CDH8: variants seen among roughly 807,000 people sequenced by gnomAD.
CDH8 encodes the protein cadherin-8.
CDH8 carries 17 observed loss-of-function variants against 68.1 expected under a neutral mutation model. The ratio of observed to expected loss-of-function variants is 0.25; its 90% CI spans 0.17 to 0.37. The LOEUF (loss-of-function observed/expected upper bound fraction) is 0.37. Ranked by LOEUF, CDH8 falls within the 10% of genes least tolerant of loss-of-function variation. CDH8 has a pLI of 1.00. For synonymous variants in CDH8, 372 were observed against 365.1 expected (o/e 1.02, Z -0.21); for missense variants, 763 against 999.3 (o/e 0.76, Z 3.19).
Position 61,652,306 on chromosome 16 carries a change from A to C in CDH8, c.*1302T>G. ...AAACGTAAACAGTGAAATTATGTACAAATCAGTTCCTGCTCTAAAACTGTG... is the reference window on the plus strand; with the variant it reads ...AAACGTAAACAGTGAAATTATGTACCAATCAGTTCCTGCTCTAAAACTGTG... On this transcript the variant is annotated 3_prime_UTR_variant, in exon 12 of 12. Transcript: ENST00000577390. 3 of 985,240 alleles carry C rather than the reference A, an allele frequency of 3.0e-6. No homozygotes were observed. Among genetic ancestry groups the C allele is most frequent in the Non-Finnish European group, 3.6e-6 (3 of 829,782 alleles). 61.0% of individuals were successfully genotyped at this position (985,240 alleles called of 1,614,324 possible). A position where few individuals can be genotyped will look rare whatever the true frequency, so the allele number is the denominator to read the frequency against.
intron 4 of CDH8, among the ~76,000 whole-genome samples, chr16:61,831,231 C>A (rs1306201208): frequency 6.6e-6 from 1 of 151,712 alleles, no homozygotes; most frequent in Non-Finnish European, 1.5e-5. Context: ...TGAGAACCCT[C>A]CATTCTCCAT....
At chr16:61,759,033 G>A (rs752189203) in intron 8 of CDH8, among the ~76,000 whole-genome samples, 1 of 152,028 alleles carries the variant, frequency 6.6e-6, no homozygotes, top group African/African-American at 2.4e-5. Flanking sequence ...CTAAGGATAG[G>A]GTATGTCTCA....
intron 8 of CDH8, among the ~76,000 whole-genome samples, chr16:61,783,590 C>T (rs1393201076): frequency 6.7e-5 from 10 of 150,212 alleles, no homozygotes; most frequent in Non-Finnish European, 1.3e-4. Flanking sequence ...CAGAGAACGC[C>T]ACAAAGATAC....
intron 10 of CDH8, among the ~76,000 whole-genome samples, chr16:61,697,143 C>T (rs1325953244): frequency 4.6e-5 from 7 of 152,178 alleles, no homozygotes; most frequent in African/African-American, 1.2e-4. Flanking sequence ...TGGGAAGCTA[C>T]GGCCTCATAG....
At position 61,868,024 on chromosome 16, in the gene CDH8, A is replaced by ATCTACATTG. The variant is rs1963287988; in HGVS notation, c.548-10795_548-10787dup. Among the ~76,000 whole-genome samples, 3 of 152,162 alleles carry ATCTACATTG rather than the reference A, an allele frequency of 2.0e-5. No homozygotes were observed. The East Asian group carries it at 5.8e-4, about 29-fold the overall frequency. ...CACTTTGTTCAAATTATAAGCATGA[A>ATCTACATTG]TCTACATTGTCCTTGTTATACAAGT... On this transcript the variant is annotated intron_variant, in intron 3 of 11. Coordinates refer to ENST00000577390, the MANE Select transcript of CDH8 (RefSeq NM_001796.5).
chr16:61,716,735 T>A (rs1964738261), intron 9 of CDH8, among the ~76,000 whole-genome samples: 1 of 151,730 alleles, frequency 6.6e-6, no homozygotes, highest in African/African-American at 2.4e-5. Flanking sequence ...AAACTGGTTA[T>A]GATTAAGATT....
intron 8 of CDH8, among the ~76,000 whole-genome samples, chr16:61,771,828 T>C (rs1426165651): frequency 6.6e-6 from 1 of 152,062 alleles, no homozygotes; most frequent in East Asian, 1.9e-4. Context: ...AAAGTTTTTC[T>C]TTCAAGCAGG....
chr16:61,789,272 G>C, intron 8 of CDH8, 74 bp downstream of exon 8: 1 of 1,375,064 alleles, frequency 7.3e-7, no homozygotes, highest in Non-Finnish European at 1.0e-6. Flanking sequence ...AACAGGGGCT[G>C]CTTATCACGT....
At chr16:61,924,618 A>G (rs960887993) in intron 2 of CDH8, among the ~76,000 whole-genome samples, 2 of 152,190 alleles carry the variant, frequency 1.3e-5, no homozygotes, top group Non-Finnish European at 2.9e-5. Flanking sequence ...GCAGTCATGA[A>G]TATACAGGAT....
At chr16:61,925,237 G>T (rs1313906907) in intron 2 of CDH8, among the ~76,000 whole-genome samples, 1 of 152,144 alleles carries the variant, frequency 6.6e-6, no homozygotes, top group Non-Finnish European at 1.5e-5. Context: ...AAGCCAATCA[G>T]ACATGGCCAC....
At chr16:61,665,241 C>T (rs1462638009) in intron 10 of CDH8, among the ~76,000 whole-genome samples, 1 of 151,782 alleles carries the variant, frequency 6.6e-6, no homozygotes, top group Non-Finnish European at 1.5e-5. Context: ...AGAGAAGATC[C>T]CTCAGAATGA....
intron 8 of CDH8, among the ~76,000 whole-genome samples, chr16:61,788,560 A>AT (rs1395360490): frequency 6.6e-6 from 1 of 151,982 alleles, no homozygotes; most frequent in African/African-American, 2.4e-5. Flanking sequence ...TCCCTTTTCC[A>AT]TTTTTTGTAT....
chr16:61,787,779 A>G (rs905920541), intron 8 of CDH8, among the ~76,000 whole-genome samples: 2 of 151,674 alleles, frequency 1.3e-5, no homozygotes, highest in Non-Finnish European at 2.9e-5. Flanking sequence ...TGATGACTTC[A>G]TGTCCTTTGT....
intron 10 of CDH8, among the ~76,000 whole-genome samples, chr16:61,670,265 C>T (rs1963764572): frequency 6.6e-6 from 1 of 151,906 alleles, no homozygotes; most frequent in Non-Finnish European, 1.5e-5. Flanking sequence ...AACAAACAGC[C>T]TGAGGATTTT....
In CDH8 at chr16:61,708,980, A is replaced by G. The variant is rs141765869; in HGVS notation, c.1654+4861T>C. 2.6e-4 allele frequency among the ~76,000 whole-genome samples: 39 copies of G among 152,316 alleles called. No individual in the cohort carries two copies. In the East Asian group the frequency reaches 6.6e-3, roughly 26 times the overall value. On this transcript the variant is annotated intron_variant, in intron 10 of 11. Coordinates refer to ENST00000577390, the MANE Select transcript of CDH8 (RefSeq NM_001796.5). ...AGTCCACTATGTGAGCAGAACAGACAATACAATCATATTGGAAATATATTA... is the reference window on the plus strand; with the variant it reads ...AGTCCACTATGTGAGCAGAACAGACGATACAATCATATTGGAAATATATTA...
intron 2 of CDH8, among the ~76,000 whole-genome samples, chr16:61,933,497 T>C (rs530037243): frequency 1.3e-5 from 2 of 152,324 alleles, no homozygotes; most frequent in African/African-American, 4.8e-5. Context: ...ATGACTGAAA[T>C]AATGTGATTT....
intron 1 of CDH8, among the ~76,000 whole-genome samples, chr16:62,035,530 G>A (rs543551111): frequency 6.6e-6 from 1 of 152,276 alleles, no homozygotes; most frequent in South Asian, 2.1e-4. Flanking sequence ...TGGGGCTTTC[G>A]CAGCTGAGCC....
At chr16:61,745,684 T>A (rs1247633694) in intron 8 of CDH8, among the ~76,000 whole-genome samples, 1 of 151,770 alleles carries the variant, frequency 6.6e-6, no homozygotes, top group Non-Finnish European at 1.5e-5. Flanking sequence ...ATTTTTCAGC[T>A]TCAGACCTTT....
intron 2 of CDH8, among the ~76,000 whole-genome samples, chr16:61,908,070 A>C (rs1343039829): frequency 1.7e-4 from 25 of 150,434 alleles, no homozygotes; most frequent in Non-Finnish European, 3.0e-4. Flanking sequence ...AAAAGAGTTA[A>C]CTGATCACTG....
Sources: gnomAD v4.1 joint callset for allele counts (sites outside exome capture counted in the v4.1 genomes callset) on GRCh38, gnomAD v4.1.1 for gene constraint, MANE v1.5 for transcripts, NCBI Gene and HGNC (gene_info 2026-07-23, HGNC 2026-07-21) for gene names.